IQANK1: variants seen among roughly 807,000 people sequenced by gnomAD.
IQANK1 encodes IQ motif and ankyrin repeat domain-containing protein 1.
Under a neutral mutation model 22.6 loss-of-function variants are expected in IQANK1, and 30 were observed. That is an observed-to-expected ratio of 1.33 (90% CI 0.99 to 1.80). The LOEUF (loss-of-function observed/expected upper bound fraction) is 1.80. Ranked by LOEUF, IQANK1 falls within the 40% of genes most tolerant of loss-of-function variation. The probability of loss-of-function intolerance (pLI) is 0.00; values close to 1 mark genes in which losing one functional copy is unlikely to be tolerated. For missense variants in IQANK1, 275 were observed against 235.2 expected (o/e 1.17, Z -1.11); for synonymous variants, 122 against 99.6 (o/e 1.23, Z -1.34).
rs1220973252 is a variant in IQANK1 at position 143,772,351 on chromosome 8, T to C, written c.664-6T>C. ...CTGGATCTTGCTCGGGGGGCCCGTC[T>C]TGCAGGGCGCTTTCGGTCCGACGCC... On this transcript the variant is annotated splice_region_variant and splice_polypyrimidine_tract_variant and intron_variant, in intron 6 of 13. Coordinates refer to ENST00000527139, the MANE Select transcript of IQANK1 (RefSeq NM_001381874.1). 11 of 398,928 alleles carry C rather than the reference T, an allele frequency of 2.8e-5. No individual in the cohort carries two copies. Among genetic ancestry groups the C allele is most frequent in the South Asian group, 1.3e-4 (1 of 7,878 alleles). 24.7% of individuals were successfully genotyped at this position (398,928 alleles called of 1,614,324 possible). A position where few individuals can be genotyped will look rare whatever the true frequency, so the allele number is the denominator to read the frequency against.
chr8:143,762,227 T>C (rs1165075639), intron 3 of IQANK1, among the ~76,000 whole-genome samples: 1 of 151,728 alleles, frequency 6.6e-6, no homozygotes, highest in Non-Finnish European at 1.5e-5. Context: ...GGGAATCGCT[T>C]GAACCCAGAA....
chr8:143,756,812 TA>T (rs36111952), intron 3 of IQANK1, among the ~76,000 whole-genome samples: 2,331 of 134,078 alleles, frequency 0.017, 34 homozygotes, highest in African/African-American at 0.046. Flanking sequence ...CTAAAAAAAT[TA>T]AAAAAAAAAA....
Position 143,789,245 on chromosome 8 carries a change from T to C in IQANK1, c.993+2T>C. On this transcript the variant is annotated splice_donor_variant, in intron 9 of 13. Coordinates refer to ENST00000527139, the MANE Select transcript of IQANK1 (RefSeq NM_001381874.1). LOFTEE classifies it high-confidence loss of function. ...GAGCAGCAGCAGTGTCACAAGGAGGTGAGTGTGACCTCAGGGAGGAGCCAG... is the reference window on the plus strand; with the variant it reads ...GAGCAGCAGCAGTGTCACAAGGAGGCGAGTGTGACCTCAGGGAGGAGCCAG... The C allele has an allele frequency of 2.5e-6, 1 of 392,930 alleles. No individual in the cohort carries two copies. The highest frequency in any genetic ancestry group is 4.4e-6 in the Non-Finnish European group (1 of 225,356). The allele number at this position is 392,930 out of a possible 1,614,324, so 24.3% of individuals were successfully genotyped here. A position where few individuals can be genotyped will look rare whatever the true frequency, so the allele number is the denominator to read the frequency against.
chr8:143,757,399 C>T (rs572979680), intron 3 of IQANK1, among the ~76,000 whole-genome samples: 3 of 149,638 alleles, frequency 2.0e-5, no homozygotes, highest in East Asian at 4.0e-4. Flanking sequence ...TGCAGTGGTG[C>T]GAGCTTGGCT....
At chr8:143,787,664 C>G (rs1490075045) in intron 7 of IQANK1, among the ~76,000 whole-genome samples, 1 of 152,166 alleles carries the variant, frequency 6.6e-6, no homozygotes, top group Non-Finnish European at 1.5e-5. Context: ...ATCCTGCCCC[C>G]GCTCTTTCCC....
chr8:143,736,296 C>T (rs1554625668), intron 2 of IQANK1, among the ~76,000 whole-genome samples: 4 of 152,250 alleles, frequency 2.6e-5, no homozygotes, highest in South Asian at 4.2e-4. Flanking sequence ...TGCGCCACCA[C>T]GCCCTGCTGA....
rs1389799140 is a variant in IQANK1 at position 143,758,579 on chromosome 8, A to G, written c.176-12909A>G. Reference sequence around the variant, plus strand: ...ACTTTCCTTGAACATTTTCAGCTAGAATGACACGGCATTCTCCTACATAAA... The same window carrying G: ...ACTTTCCTTGAACATTTTCAGCTAGGATGACACGGCATTCTCCTACATAAA... On this transcript the variant is annotated intron_variant, in intron 3 of 13. Transcript: ENST00000527139. This position sits in a 1 kb window ranked among gnomAD's most constrained non-coding sequence, Gnocchi z 4.2. The G allele has an allele frequency of 1.3e-5, 2 of 152,202 alleles. No homozygotes were observed. The highest frequency in any genetic ancestry group is 6.5e-5 in the Admixed American group (1 of 15,270). 9.4% of individuals were successfully genotyped at this position (152,202 alleles called of 1,614,324 possible). A position where few individuals can be genotyped will look rare whatever the true frequency, so the allele number is the denominator to read the frequency against.
At position 143,734,184 on chromosome 8, in the gene IQANK1, G is replaced by C. The variant is rs1040858552; in HGVS notation, c.-40G>C. ...GCCCGACGCCAGGGGCGGAGCTCTG[G>C]CCTCCTCGCCGAGTTGGGGGAGGCA... On this transcript the variant is annotated 5_prime_UTR_variant, in exon 1 of 14. Coordinates refer to ENST00000527139, the MANE Select transcript of IQANK1 (RefSeq NM_001381874.1). 6.6e-6 allele frequency: 1 copy of C among 152,168 alleles called. No homozygotes were observed. The highest frequency in any genetic ancestry group is 6.5e-5 in the Admixed American group (1 of 15,286). 9.4% of individuals were successfully genotyped at this position (152,168 alleles called of 1,614,324 possible). A position where few individuals can be genotyped will look rare whatever the true frequency, so the allele number is the denominator to read the frequency against.
rs1190263284 is a variant in IQANK1, at chr8:143,771,900, C to T, written c.406C>T (p.Arg136Cys). Reference protein sequence around the residue: ...QRERREELQRRRRLLDAAFDG... With the variant: ...QRERREELQRCRRLLDAAFDG... ...GGAGCGGCGGGAGGAGCTGCAGCGTCGCCGCCGCCTGCTGGACGCCGCCTT... is the reference window on the plus strand; with the variant it reads ...GGAGCGGCGGGAGGAGCTGCAGCGTTGCCGCCGCCTGCTGGACGCCGCCTT... Residue 136 changes from arginine (R) to cysteine (C), a missense_variant, in exon 5 of 14, where the codon CGC (arginine) becomes TGC (cysteine). By Grantham distance (180) the Arg-to-Cys change is radical. Coordinates refer to ENST00000527139, the MANE Select transcript of IQANK1 (RefSeq NM_001381874.1). This position sits in a 1 kb window ranked among gnomAD's most constrained non-coding sequence, Gnocchi z 6.0. 5.1e-6 allele frequency: 2 copies of T among 393,432 alleles called. No homozygotes were observed. Among genetic ancestry groups the T allele is most frequent in the Non-Finnish European group, 9.0e-6 (2 of 223,180 alleles). The allele number at this position is 393,432 out of a possible 1,614,324, so 24.4% of individuals were successfully genotyped here.
At chr8:143,742,521 C>T (rs543441513) in intron 3 of IQANK1, 49 of 456,074 alleles carry the variant, frequency 1.1e-4, no homozygotes, top group Admixed American at 9.9e-4. Flanking sequence ...CCCACAAACA[C>T]CACAAACACC....
intron 7 of IQANK1, among the ~76,000 whole-genome samples, chr8:143,779,454 G>A (rs539002403): frequency 2.6e-5 from 4 of 152,226 alleles, no homozygotes; most frequent in Admixed American, 6.5e-5. Context: ...CTTATCTCAC[G>A]TATCCATTCT....
chr8:143,742,277 A>G, intron 3 of IQANK1: 1 of 426,590 alleles, frequency 2.3e-6, no homozygotes, highest in Non-Finnish European at 4.8e-6. Flanking sequence ...CTTCCCACCC[A>G]CAGGAAGTGG....
Position 143,748,105 on chromosome 8 carries a change from C to T in IQANK1, c.175+8157C>T, listed in dbSNP as rs532392889. Among the ~76,000 whole-genome samples the T allele has an allele frequency of 1.3e-4, 20 of 152,030 alleles. No homozygotes were observed. In the South Asian group the frequency reaches 4.1e-3, roughly 32 times the overall value. The stretch of plus-strand genomic sequence containing the variant: ...TGCCTCCCGGGCTCAAGCGATTCTC[C>T]TGTCTCAGCCTCCCAAGTAGCTGGG... On this transcript the variant is annotated intron_variant, in intron 3 of 13. Coordinates refer to ENST00000527139, the MANE Select transcript of IQANK1 (RefSeq NM_001381874.1).
rs1235967754 is a variant in IQANK1, at chr8:143,771,750, G to C, written c.307-51G>C. On this transcript the variant is annotated intron_variant, in intron 4 of 13. Transcript: ENST00000527139. The surrounding 1 kb of genome is among the most constrained non-coding windows in gnomAD (Gnocchi z 6.0). ...CAGAGGCGTGGACCGTGGCCTCGGG[G>C]CTCGGGGCGGTGGCGCGGAGTGGGC... 1 of 397,308 alleles carries C rather than the reference G, an allele frequency of 2.5e-6. No homozygotes were observed. The highest frequency in any genetic ancestry group is 4.4e-6 in the Non-Finnish European group (1 of 225,458). 24.6% of individuals were successfully genotyped at this position (397,308 alleles called of 1,614,324 possible). A position where few individuals can be genotyped will look rare whatever the true frequency, so the allele number is the denominator to read the frequency against.
intron 7 of IQANK1, among the ~76,000 whole-genome samples, chr8:143,773,300 C>CA (rs1185632785): frequency 0.067 from 5,268 of 79,148 alleles, 190 homozygotes; most frequent in African/African-American, 0.13. Flanking sequence ...GAGTGAGACT[C>CA]AAAAAAAAAA....
In IQANK1 at chr8:143,789,475, GA is replaced by G; in HGVS notation, c.1034del (p.Glu345GlyfsTer62). On this transcript the variant is annotated frameshift_variant, in exon 10 of 14. Coordinates refer to ENST00000527139, the MANE Select transcript of IQANK1 (RefSeq NM_001381874.1). LOFTEE classifies it high-confidence loss of function. ...CTGTGAGCTTAGCCGGAGGATCTCAGAGCACGACCAGTGTGAGTGGAGGTGC... is the reference window on the plus strand; with the variant it reads ...CTGTGAGCTTAGCCGGAGGATCTCAGGCACGACCAGTGTGAGTGGAGGTGC... ...AYCELSRRISEHDQCEWRCMD... is the reference protein window; with the variant it reads ...AYCELSRRISXHDQCEWRCMD... The G allele has an allele frequency of 8.1e-7, 1 of 1,232,248 alleles. No homozygotes were observed. Among genetic ancestry groups the G allele is most frequent in the Non-Finnish European group, 1.0e-6 (1 of 988,146 alleles). 76.3% of individuals were successfully genotyped at this position (1,232,248 alleles called of 1,614,324 possible).
intron 3 of IQANK1, among the ~76,000 whole-genome samples, chr8:143,767,292 A>G (rs76222860): frequency 0.032 from 4,828 of 152,248 alleles, 235 homozygotes; most frequent in African/African-American, 0.11. Flanking sequence ...AATATGGTAT[A>G]TCTCTCCTTT....
chr8:143,744,541 C>T (rs1818991092), intron 3 of IQANK1: 1 of 152,240 alleles, frequency 6.6e-6, no homozygotes, highest in Non-Finnish European at 1.5e-5. Context: ...CTCACTGGCC[C>T]TGCTGCCTCT....
intron 1 of IQANK1, among the ~76,000 whole-genome samples, chr8:143,734,959 G>A (rs1818690453): frequency 6.6e-6 from 1 of 151,654 alleles, no homozygotes; most frequent in Non-Finnish European, 1.5e-5. Context: ...TGGATCATCT[G>A]TCCAAACCAC....
Sources: gnomAD v4.1 joint callset for allele counts (sites outside exome capture counted in the v4.1 genomes callset) on GRCh38, gnomAD v4.1.1 for gene constraint, Gnocchi (gnomAD v3.1) non-coding constraint, MANE v1.5 for transcripts, NCBI Gene and HGNC (gene_info 2026-07-23, HGNC 2026-07-21) for gene names.